Variants in ABCF1 observed in about 807,000 individuals in gnomAD.
ABCF1 encodes the protein ATP-binding cassette sub-family F member 1.
A neutral mutation model predicts 126.3 loss-of-function variants in ABCF1; 73 were observed. The ratio of observed to expected loss-of-function variants is 0.58; its 90% confidence interval spans 0.48 to 0.70. The LOEUF (loss-of-function observed/expected upper bound fraction) is 0.70, where lower values mean the gene tolerates loss of function less well. Among genes scored for constraint, ABCF1 ranks in the 30% least tolerant of loss-of-function variants. The pLI is 0.00. For synonymous variants in ABCF1, 345 were observed against 396.4 expected, an observed-to-expected ratio of 0.87 and a Z score of 1.54; for missense variants, 786 against 1,057.5, an observed-to-expected ratio of 0.74 and a Z score of 3.56.
At position 30,587,813 on chromosome 6, in the gene ABCF1, C is replaced by T. The variant is rs116926380; in HGVS notation, c.2031+1102C>T. On this transcript the variant is annotated intron_variant, in intron 20 of 24. Transcript: ENST00000326195. The stretch of plus-strand genomic sequence containing the variant: ...CCAGTTAGCCGAGGTCGTGCCACTG[C>T]ACTCCAGTCTAAGTGACAGAGTGAG... Among the ~76,000 whole-genome samples, 565 of 149,364 alleles carry T rather than the reference C, an allele frequency of 3.8e-3. 6 individuals are homozygous for T. Among genetic ancestry groups the T allele is most frequent in the East Asian group, 0.018 (91 of 5,108 alleles).
At chr6:30,578,326 T>C (rs1239478790) in intron 4 of ABCF1, 22 bp from the exon 5 acceptor site, 2 of 1,613,918 alleles carry the variant, frequency 1.2e-6, no homozygotes, top group Non-Finnish European at 1.7e-6. Context: ...TCCTATCTCA[T>C]GTTCTCCCCC....
rs1801950792 is a variant in ABCF1, at chr6:30,583,726, C to G, written c.1016+18C>G. 1.9e-6 allele frequency: 3 copies of G among 1,613,490 alleles called. No individual in the cohort carries two copies. Among genetic ancestry groups the G allele is most frequent in the East Asian group, 4.5e-5 (2 of 44,870 alleles). On this transcript the variant is annotated intron_variant, in intron 11 of 24. Coordinates refer to ENST00000326195, the MANE Select transcript of ABCF1 (RefSeq NM_001025091.2). The surrounding 1 kb of genome is among the most constrained non-coding windows in gnomAD (Gnocchi z 4.1). ...CCCAATGGGTGAGAAGAGGAGGGAG[C>G]TGGAGGCAAAAAAGGGCCTGGAGGG...
chr6:30,578,216 G>A lies in ABCF1; in HGVS notation c.343+14G>A. On this transcript the variant is annotated intron_variant, in intron 4 of 24. Coordinates refer to ENST00000326195, the MANE Select transcript of ABCF1 (RefSeq NM_001025091.2). ...AGGAGGATGAAGGTAAATGACCTGA[G>A]GGGGAATGGGTACCTGGAATCCATG... 6.2e-7 allele frequency: 1 copy of A among 1,613,790 alleles called. No individual in the cohort carries two copies. Among genetic ancestry groups the A allele is most frequent in the Non-Finnish European group, 8.5e-7 (1 of 1,179,894 alleles).
chr6:30,587,267 T>C (rs869074233), intron 20 of ABCF1, among the ~76,000 whole-genome samples: 1 of 127,044 alleles, frequency 7.9e-6, no homozygotes, highest in Non-Finnish European at 1.7e-5. Flanking sequence ...AAAAAAAAAA[T>C]TGGCCTGGCG....
At position 30,575,076 on chromosome 6, in the gene ABCF1, T is replaced by C. The variant is rs527331203; in HGVS notation, c.74-2333T>C. ...GGATACCATTGACTTTTTTTCTTTT[T>C]TTTTTTTTTTTTTGAGACAGTCTCG... On this transcript the variant is annotated intron_variant, in intron 1 of 24. Coordinates refer to ENST00000326195, the MANE Select transcript of ABCF1 (RefSeq NM_001025091.2). Among the ~76,000 whole-genome samples, 15 of 147,866 alleles carry C rather than the reference T, an allele frequency of 1.0e-4. No homozygotes were observed. In the South Asian group the frequency reaches 2.5e-3, roughly 25 times the overall value.
chr6:30,580,493 AAGG>A lies in ABCF1; in HGVS notation c.655_657del (p.Glu219del), dbSNP rs760865566. ...GGAAAAGGAGCCTCCCAAACAAGGGAAGGAGAAGGCCAAGAAGGCAGAGCAGGT... is the reference window on the plus strand; with the variant it reads ...GGAAAAGGAGCCTCCCAAACAAGGGAAGAAGGCCAAGAAGGCAGAGCAGGT... On this transcript the variant is annotated inframe_deletion, in exon 8 of 25. Coordinates refer to ENST00000326195, the MANE Select transcript of ABCF1 (RefSeq NM_001025091.2). 1.3e-5 allele frequency: 20 copies of A among 1,525,916 alleles called. No homozygotes were observed. Among genetic ancestry groups the A allele is most frequent in the Non-Finnish European group, 1.6e-5 (18 of 1,150,010 alleles). 94.5% of individuals were successfully genotyped at this position (1,525,916 alleles called of 1,614,324 possible).
In ABCF1 at chr6:30,590,743, G is replaced by T. The variant is rs746807308; in HGVS notation, c.*42G>T. On this transcript the variant is annotated 3_prime_UTR_variant, in exon 25 of 25. Coordinates refer to ENST00000326195, the MANE Select transcript of ABCF1 (RefSeq NM_001025091.2). ...GTCTCCCGAGAGACATATTTGTGTGGCCTAGAAGTCCTCTGTGGTCTCCCC... is the reference window on the plus strand; with the variant it reads ...GTCTCCCGAGAGACATATTTGTGTGTCCTAGAAGTCCTCTGTGGTCTCCCC... The T allele has an allele frequency of 1.3e-6, 2 of 1,559,436 alleles. No individual in the cohort carries two copies. Among genetic ancestry groups the T allele is most frequent in the Admixed American group, 3.8e-5 (2 of 53,192 alleles).
chr6:30,590,502 C>T (rs1228160923), intron 24 of ABCF1, 33 bp from the exon 25 acceptor site: 2 of 1,595,294 alleles, frequency 1.3e-6, no homozygotes, highest in Admixed American at 1.7e-5. Flanking sequence ...CTCCTTTCTT[C>T]CTGCCCTCTG....
At position 30,590,181 on chromosome 6, in the gene ABCF1, C is replaced by T; in HGVS notation, c.2266C>T (p.Leu756=). The change falls in exon 23 of 25, where the codon CTG becomes TTG. Residue 756 remains leucine (L), a synonymous_variant. Transcript: ENST00000326195. ...GAAGGCGCGAGTTGTGTTTGCTGAG[C>T]TGGCCTGTCGGGAACCTGATGTCCT... is the stretch of plus-strand genomic sequence containing the variant. ...GQKARVVFAE[L]ACREPDVLIL... 6.2e-7 allele frequency: 1 copy of T among 1,613,124 alleles called. No homozygotes were observed. The highest frequency in any genetic ancestry group is 8.5e-7 in the Non-Finnish European group (1 of 1,180,032).
chr6:30,583,969 A>C lies in ABCF1; in HGVS notation c.1102+79A>C. On this transcript the variant is annotated intron_variant, in intron 12 of 24. Coordinates refer to ENST00000326195, the MANE Select transcript of ABCF1 (RefSeq NM_001025091.2). This position sits in a 1 kb window ranked among gnomAD's most constrained non-coding sequence, Gnocchi z 4.1. ...AGCCAGCCAGCCAAGAATAGAAGAA[A>C]TTGTGGCTATGGAGTTGGAAGGGAT... 2 of 1,533,432 alleles carry C rather than the reference A, an allele frequency of 1.3e-6. No homozygotes were observed. The highest frequency in any genetic ancestry group is 1.8e-6 in the Non-Finnish European group (2 of 1,114,900). The allele number at this position is 1,533,432 out of a possible 1,614,324, so 95.0% of individuals were successfully genotyped here.
chr6:30,581,754 T>C (rs1202479109), intron 8 of ABCF1, among the ~76,000 whole-genome samples: 1 of 152,156 alleles, frequency 6.6e-6, no homozygotes, highest in Non-Finnish European at 1.5e-5. Context: ...AGAAACTCAT[T>C]TTATACAAAT....
At chr6:30,582,152 G>C (rs1801849511) in intron 8 of ABCF1, among the ~76,000 whole-genome samples, 1 of 151,946 alleles carries the variant, frequency 6.6e-6, no homozygotes, top group African/African-American at 2.4e-5. Flanking sequence ...CTCCTCCCAG[G>C]TTCACACCAT....
rs139895684 is a variant in ABCF1, at chr6:30,586,161, C to T, written c.1741C>T (p.Arg581Trp). The change falls in exon 18 of 25, where the codon CGG becomes TGG. Residue 581 changes from arginine (R) to tryptophan (W), a missense_variant. Physicochemically the swap from Arg to Trp is moderately radical, Grantham distance 101. This residue lies in a region of ABCF1 where 288 missense variants were observed against 423.5 expected (regional missense o/e 0.68). Coordinates refer to ENST00000326195, the MANE Select transcript of ABCF1 (RefSeq NM_001025091.2). The surrounding 1 kb of genome is among the most constrained non-coding windows in gnomAD (Gnocchi z 4.9). ...AEKQTKEALT[R>W]KQQKCRRKNQ... is the part of the protein sequence containing the mutation. The stretch of plus-strand genomic sequence containing the variant: ...AAAACAAACGAAGGAAGCCCTGACT[C>T]GGAAGCAGCAGAAATGCCGACGGAA... 1.2e-4 allele frequency: 186 copies of T among 1,613,328 alleles called. No homozygotes were observed. The highest frequency in any genetic ancestry group is 4.9e-4 in the Middle Eastern group (3 of 6,074).
At chr6:30,577,080 C>T (rs1211226483) in intron 1 of ABCF1, among the ~76,000 whole-genome samples, 1 of 152,222 alleles carries the variant, frequency 6.6e-6, no homozygotes, top group Non-Finnish European at 1.5e-5. Flanking sequence ...ACCTTCAGTA[C>T]ACCTGGAATT....
chr6:30,583,294 G>T lies in ABCF1; in HGVS notation c.915+106G>T. On this transcript the variant is annotated intron_variant, in intron 10 of 24. Transcript: ENST00000326195. This position sits in a 1 kb window ranked among gnomAD's most constrained non-coding sequence, Gnocchi z 4.1. ...TGTGAATGGGTTAGTTCAGTGGGAAGAAAGATTGGAGGCATTTTCCACACC... is the reference window on the plus strand; with the variant it reads ...TGTGAATGGGTTAGTTCAGTGGGAATAAAGATTGGAGGCATTTTCCACACC... The T allele has an allele frequency of 6.9e-7, 1 of 1,443,606 alleles. No homozygotes were observed. Among genetic ancestry groups the T allele is most frequent in the South Asian group, 1.4e-5 (1 of 73,730 alleles). 89.4% of individuals were successfully genotyped at this position (1,443,606 alleles called of 1,614,324 possible).
intron 6 of ABCF1, among the ~76,000 whole-genome samples, chr6:30,578,789 C>G (rs1801650805): frequency 2.0e-5 from 3 of 152,188 alleles, no homozygotes; most frequent in African/African-American, 7.2e-5. Flanking sequence ...ATCACGAGGT[C>G]AAGAGATCGA....
At chr6:30,588,329 A>G (rs537719135) in intron 20 of ABCF1, among the ~76,000 whole-genome samples, 1 of 152,136 alleles carries the variant, frequency 6.6e-6, no homozygotes, top group Non-Finnish European at 1.5e-5. Flanking sequence ...AAATATATCA[A>G]GCATTTTTCC....
chr6:30,577,693 A>G, intron 2 of ABCF1, 125 bp from the exon 3 acceptor site: 1 of 1,052,100 alleles, frequency 9.5e-7, no homozygotes, highest in Non-Finnish European at 1.4e-6. Flanking sequence ...AAAAGAAAAA[A>G]AAGAGAGAGA....
chr6:30,586,389 T>G lies in ABCF1; in HGVS notation c.1885+84T>G. The G allele has an allele frequency of 6.2e-7, 1 of 1,606,204 alleles. No individual in the cohort carries two copies. On this transcript the variant is annotated intron_variant, in intron 18 of 24. Transcript: ENST00000326195. The surrounding 1 kb of genome is among the most constrained non-coding windows in gnomAD (Gnocchi z 4.9). Reference sequence around the variant, plus strand: ...CTAAATTCTCCACCAAGGCTGAGATTGCTCCTGTTCTCCAAGGCCAGCACA... The same window carrying G: ...CTAAATTCTCCACCAAGGCTGAGATGGCTCCTGTTCTCCAAGGCCAGCACA...
Sources: gnomAD v4.1 joint callset for allele counts (sites outside exome capture counted in the v4.1 genomes callset) on GRCh38, gnomAD v4.1.1 for gene constraint, gnomAD v4.1.1 regional missense constraint, Gnocchi (gnomAD v3.1) non-coding constraint, MANE v1.5 for transcripts, NCBI Gene and HGNC (gene_info 2026-07-23, HGNC 2026-07-21) for gene names.